BAALC: variants seen among roughly 807,000 people sequenced by gnomAD.
BAALC encodes the protein BAALC binder of MAP3K1 and KLF4, also known as brain and acute leukemia cytoplasmic protein.
A neutral mutation model predicts 15.5 loss-of-function variants in BAALC; 9 were observed. The ratio of observed to expected loss-of-function variants is 0.58; its 90% CI spans 0.35 to 1.02. The LOEUF (loss-of-function observed/expected upper bound fraction) is 1.02. Among genes scored for constraint, BAALC ranks in the 50% least tolerant of loss-of-function variants. BAALC has a pLI of 0.02. For missense variants in BAALC, 201 were observed against 192.4 expected (o/e 1.04, Z -0.27); for synonymous variants, 80 against 74.6 (o/e 1.07, Z -0.37).
intron 1 of BAALC, chr8:103,200,563 G>A: frequency 2.1e-6 from 1 of 467,178 alleles, no homozygotes; most frequent in Non-Finnish European, 3.9e-6. Flanking sequence ...CAACCAAAGA[G>A]TAAAAGACAA....
At chr8:103,143,928 G>A (rs531781489) in intron 1 of BAALC, among the ~76,000 whole-genome samples, 118 of 152,182 alleles carry the variant, frequency 7.8e-4, no homozygotes, top group Non-Finnish European at 1.5e-3. Context: ...TTCTTCCAAC[G>A]GCCTTTCTGA....
At chr8:103,167,065 T>A (rs1211579478) in intron 1 of BAALC, among the ~76,000 whole-genome samples, 1 of 152,236 alleles carries the variant, frequency 6.6e-6, no homozygotes, top group Non-Finnish European at 1.5e-5. Flanking sequence ...AATGGTCCCA[T>A]GAGTATTTAT....
intron 1 of BAALC, among the ~76,000 whole-genome samples, chr8:103,167,933 G>T (rs1364186383): frequency 6.6e-6 from 1 of 152,170 alleles, no homozygotes; most frequent in East Asian, 1.9e-4. Context: ...CAATATCTCA[G>T]ATAAGTCTTA....
At chr8:103,189,656 G>C (rs902524474) in intron 1 of BAALC, among the ~76,000 whole-genome samples, 1 of 152,254 alleles carries the variant, frequency 6.6e-6, no homozygotes, top group African/African-American at 2.4e-5. Context: ...GAGGGAGGAA[G>C]AGCATTCCAG....
rs998429636 is a variant in BAALC at position 103,220,832 on chromosome 8, A to G, written c.328-7157A>G. Among the ~76,000 whole-genome samples, 24 of 152,298 alleles carry G rather than the reference A, an allele frequency of 1.6e-4. No individual in the cohort carries two copies. The East Asian group carries it at 4.6e-3, about 29-fold the overall frequency. Reference sequence around the variant, plus strand: ...GCCATAATTATGTCTTCCTTTTATAATTAAAAATACTACTTATACAGAAAA... The same window carrying G: ...GCCATAATTATGTCTTCCTTTTATAGTTAAAAATACTACTTATACAGAAAA... On this transcript the variant is annotated intron_variant, in intron 2 of 2. Coordinates refer to ENST00000309982, the MANE Select transcript of BAALC (RefSeq NM_024812.3).
intron 1 of BAALC, among the ~76,000 whole-genome samples, chr8:103,170,948 T>A (rs1811469780): frequency 6.6e-6 from 1 of 152,232 alleles, no homozygotes; most frequent in South Asian, 2.1e-4. Flanking sequence ...GTCTTAATTA[T>A]TCTTCAACAC....
intron 1 of BAALC, among the ~76,000 whole-genome samples, chr8:103,161,804 A>AT (rs1324553249): frequency 6.6e-6 from 1 of 152,034 alleles, no homozygotes; most frequent in Non-Finnish European, 1.5e-5. Context: ...AAACTTAGGG[A>AT]TTTTTATCAC....
intron 1 of BAALC, chr8:103,203,020 A>G (rs1176946627): frequency 6.6e-6 from 1 of 152,254 alleles, no homozygotes; most frequent in Non-Finnish European, 1.5e-5. Flanking sequence ...TCTCCTGGGC[A>G]TCTTTTTGGG....
intron 1 of BAALC, among the ~76,000 whole-genome samples, chr8:103,209,600 C>T (rs942095707): frequency 1.3e-5 from 2 of 152,054 alleles, no homozygotes; most frequent in African/African-American, 4.8e-5. Flanking sequence ...GCCAAGGGGA[C>T]GTATCTACCA....
At position 103,140,821 on chromosome 8, in the gene BAALC, G is replaced by A. The variant is rs1424886636; in HGVS notation, c.-77G>A. ...GCCGCCGCCGCCTCCTTGCGGGCCG[G>A]GGCTGCGCCTCCGGGGCTGAGCCGC... On this transcript the variant is annotated 5_prime_UTR_variant, in exon 1 of 3. Coordinates refer to ENST00000309982, the MANE Select transcript of BAALC (RefSeq NM_024812.3). This position sits in a 1 kb window ranked among gnomAD's most constrained non-coding sequence, Gnocchi z 4.2. The A allele has an allele frequency of 1.6e-6, 2 of 1,278,836 alleles. No individual in the cohort carries two copies. The allele number at this position is 1,278,836 out of a possible 1,614,324, so 79.2% of individuals were successfully genotyped here. A position where few individuals can be genotyped will look rare whatever the true frequency, so the allele number is the denominator to read the frequency against.
intron 1 of BAALC, among the ~76,000 whole-genome samples, chr8:103,202,115 C>A (rs549739295): frequency 6.6e-6 from 1 of 152,264 alleles, no homozygotes; most frequent in South Asian, 2.1e-4. Flanking sequence ...ACATGAAACA[C>A]CTATTTCTTA....
chr8:103,212,649 G>A (rs1230348269), intron 1 of BAALC, among the ~76,000 whole-genome samples: 2 of 152,134 alleles, frequency 1.3e-5, no homozygotes, highest in Non-Finnish European at 2.9e-5. Context: ...ACATAGACAT[G>A]TGAAAAATAA....
chr8:103,150,664 C>T (rs1042323060), intron 1 of BAALC, among the ~76,000 whole-genome samples: 3 of 152,224 alleles, frequency 2.0e-5, no homozygotes, highest in Non-Finnish European at 4.4e-5. Flanking sequence ...GGTTGCCTAC[C>T]AGTCTTCACT....
In BAALC at chr8:103,140,930, C is replaced by G. The variant is rs761135936; in HGVS notation, c.33C>G (p.Ile11Met). MGCGGSRADA[I>M]EPRYYESWTR... ...GCGGCGGGAGCCGGGCGGATGCCAT[C>G]GAGCCCCGCTACTACGAGAGCTGGA... The change falls in exon 1 of 3, where the codon ATC (isoleucine) becomes ATG (methionine). Residue 11 changes from isoleucine (I) to methionine (M), a missense_variant. Physicochemically the swap from Ile to Met is conservative, Grantham distance 10. Coordinates refer to ENST00000309982, the MANE Select transcript of BAALC (RefSeq NM_024812.3). This position sits in a 1 kb window ranked among gnomAD's most constrained non-coding sequence, Gnocchi z 4.2. 2.6e-6 allele frequency: 4 copies of G among 1,527,946 alleles called. No individual in the cohort carries two copies. Among genetic ancestry groups the G allele is most frequent in the Non-Finnish European group, 3.5e-6 (4 of 1,138,530 alleles). 94.6% of individuals were successfully genotyped at this position (1,527,946 alleles called of 1,614,324 possible).
At chr8:103,210,998 G>C (rs150136220) in intron 1 of BAALC, among the ~76,000 whole-genome samples, 103 of 152,178 alleles carry the variant, frequency 6.8e-4, no homozygotes, top group African/African-American at 2.4e-3. Flanking sequence ...TGAATGAAAA[G>C]TTGATGTCTG....
chr8:103,156,031 C>G (rs747144235), intron 1 of BAALC, among the ~76,000 whole-genome samples: 26 of 152,204 alleles, frequency 1.7e-4, no homozygotes, highest in Non-Finnish European at 3.7e-4. Flanking sequence ...AATGCCAAAG[C>G]AGCTATAGAC....
chr8:103,153,242 CT>C (rs1470546625), intron 1 of BAALC: 1 of 152,134 alleles, frequency 6.6e-6, no homozygotes, highest in Non-Finnish European at 1.5e-5. Context: ...GTGGTCACTT[CT>C]TTCATCCTAT....
At chr8:103,225,124 C>G (rs1812775631) in intron 2 of BAALC, among the ~76,000 whole-genome samples, 1 of 152,194 alleles carries the variant, frequency 6.6e-6, no homozygotes, top group African/African-American at 2.4e-5. Context: ...AGTTCAGGCT[C>G]AGAAAACCTG....
chr8:103,167,105 T>C (rs1563640579), intron 1 of BAALC, among the ~76,000 whole-genome samples: 2 of 152,182 alleles, frequency 1.3e-5, no homozygotes, highest in African/African-American at 4.8e-5. Flanking sequence ...TTAATTTTCT[T>C]TGATGTGGAT....
Sources: gnomAD v4.1 joint callset for allele counts (sites outside exome capture counted in the v4.1 genomes callset) on GRCh38, gnomAD v4.1.1 for gene constraint, Gnocchi (gnomAD v3.1) non-coding constraint, MANE v1.5 for transcripts, NCBI Gene and HGNC (gene_info 2026-07-23, HGNC 2026-07-21) for gene names.